The following DCPS variants were observed in gnomAD, a reference collection of about 807,000 sequenced individuals.
DCPS encodes decapping enzyme, scavenger.
Under a neutral mutation model 34.7 loss-of-function variants are expected in DCPS, and 27 were observed. The ratio of observed to expected loss-of-function variants is 0.78; its 90% confidence interval spans 0.57 to 1.07. The LOEUF (loss-of-function observed/expected upper bound fraction) is 1.07. Among genes scored for constraint, DCPS ranks in the 50% least tolerant of loss-of-function variants. The probability of loss-of-function intolerance (pLI) is 0.00; values close to 1 mark genes in which losing one functional copy is unlikely to be tolerated. For missense variants in DCPS, 464 were observed against 436.9 expected, an observed-to-expected ratio of 1.06 and a Z score of -0.55; for synonymous variants, 185 against 185.7, an observed-to-expected ratio of 1.00 and a Z score of 0.03.
chr11:126,319,611 C>T lies in DCPS; in HGVS notation c.377-11794C>T, dbSNP rs79536305. On this transcript the variant is annotated intron_variant, in intron 2 of 5. Transcript: ENST00000263579. This position sits in a 1 kb window ranked among gnomAD's most constrained non-coding sequence, Gnocchi z 4.5. ...GACCACACCCCCTGTCTGGACCTCA[C>T]TTGCTCTGGCACCTCATTTTGCCCT... Among the ~76,000 whole-genome samples the T allele has an allele frequency of 6.6e-6, 1 of 152,194 alleles. No homozygotes were observed.
Position 126,333,572 on chromosome 11 carries a change from A to G in DCPS, c.522+2022A>G, listed in dbSNP as rs1951807872. Reference sequence around the variant, plus strand: ...GGACAAATAGAAGTTTACCAGGTGCACAAGGGGAGGGAGGAGCAAGTCCAG... The same window carrying G: ...GGACAAATAGAAGTTTACCAGGTGCGCAAGGGGAGGGAGGAGCAAGTCCAG... On this transcript the variant is annotated intron_variant, in intron 3 of 5. Transcript: ENST00000263579. The surrounding 1 kb of genome is among the most constrained non-coding windows in gnomAD (Gnocchi z 5.7). Among the ~76,000 whole-genome samples the G allele has an allele frequency of 6.6e-6, 1 of 152,226 alleles. No individual in the cohort carries two copies.
chr11:126,328,115 T>C lies in DCPS; in HGVS notation c.377-3290T>C, dbSNP rs897543018. Among the ~76,000 whole-genome samples the C allele has an allele frequency of 6.6e-6, 1 of 152,158 alleles. No homozygotes were observed. Among genetic ancestry groups the C allele is most frequent in the Non-Finnish European group, 1.5e-5 (1 of 68,024 alleles). ...AGGGCACGGCCTGGAGAGGAGCCCA[T>C]GGCTGACGCGAGTTAGTGGGTCAGT... On this transcript the variant is annotated intron_variant, in intron 2 of 5. Coordinates refer to ENST00000263579, the MANE Select transcript of DCPS (RefSeq NM_014026.6). This position sits in a 1 kb window ranked among gnomAD's most constrained non-coding sequence, Gnocchi z 6.6.
chr11:126,339,413 C>CGAAA (rs1951860246), intron 4 of DCPS, among the ~76,000 whole-genome samples: 1 of 152,210 alleles, frequency 6.6e-6, no homozygotes, highest in Non-Finnish European at 1.5e-5. Flanking sequence ...GCTCCCTGTG[C>CGAAA]TTTCCCAGTT....
chr11:126,321,572 C>T (rs1290999124), intron 2 of DCPS, among the ~76,000 whole-genome samples: 5 of 152,134 alleles, frequency 3.3e-5, no homozygotes, highest in African/African-American at 4.8e-5. Context: ...CACCTTAACA[C>T]GAAGCTCCAG....
Position 126,320,299 on chromosome 11 carries a change from T to TGTTC in DCPS, c.377-11105_377-11102dup, listed in dbSNP as rs777029001. On this transcript the variant is annotated intron_variant, in intron 2 of 5. Coordinates refer to ENST00000263579, the MANE Select transcript of DCPS (RefSeq NM_014026.6). This position sits in a 1 kb window ranked among gnomAD's most constrained non-coding sequence, Gnocchi z 4.7. ...AGAGTCCCTGCTCTCGTGGACTTGA[T>TGTTC]GTTCCACTGGAGATGATCTTAAAGA... Among the ~76,000 whole-genome samples the TGTTC allele has an allele frequency of 6.6e-6, 1 of 152,188 alleles. No individual in the cohort carries two copies. Among genetic ancestry groups the TGTTC allele is most frequent in the Non-Finnish European group, 1.5e-5 (1 of 68,040 alleles).
At chr11:126,321,102 A>T (rs1256068185) in intron 2 of DCPS, among the ~76,000 whole-genome samples, 1 of 151,992 alleles carries the variant, frequency 6.6e-6, no homozygotes, top group Non-Finnish European at 1.5e-5. Context: ...AAAAAATACA[A>T]AAATTAGCCA....
Position 126,322,425 on chromosome 11 carries a change from G to A in DCPS, c.377-8980G>A, listed in dbSNP as rs142887017. Among the ~76,000 whole-genome samples the A allele has an allele frequency of 0.012, 1,894 of 151,526 alleles. 38 individuals carry two copies. Among genetic ancestry groups the A allele is most frequent in the African/African-American group, 0.044 (1,795 of 41,246 alleles). On this transcript the variant is annotated intron_variant, in intron 2 of 5. Coordinates refer to ENST00000263579, the MANE Select transcript of DCPS (RefSeq NM_014026.6). The surrounding 1 kb of genome is among the most constrained non-coding windows in gnomAD (Gnocchi z 4.2). ...ATTACAGGCGCACACCACCACGCCC[G>A]GCTCATTTTTGTATTTTTAGTAGAG... is the stretch of plus-strand genomic sequence containing the variant.
rs935776134 is a variant in DCPS at position 126,313,165 on chromosome 11, C to G, written c.376+6421C>G. On this transcript the variant is annotated intron_variant, in intron 2 of 5. Coordinates refer to ENST00000263579, the MANE Select transcript of DCPS (RefSeq NM_014026.6). This position sits in a 1 kb window ranked among gnomAD's most constrained non-coding sequence, Gnocchi z 4.9. ...CCCCGTGTAAACCAGGAGGTGAAATCTCAAGTTCAGAAGAGGAGACAGGCA... is the reference window on the plus strand; with the variant it reads ...CCCCGTGTAAACCAGGAGGTGAAATGTCAAGTTCAGAAGAGGAGACAGGCA... Among the ~76,000 whole-genome samples the G allele has an allele frequency of 9.9e-5, 15 of 152,254 alleles. No homozygotes were observed. Among genetic ancestry groups the G allele is most frequent in the Middle Eastern group, 3.4e-3 (1 of 294 alleles).
In DCPS at chr11:126,334,911, G is replaced by C. The variant is rs963032466; in HGVS notation, c.522+3361G>C. On this transcript the variant is annotated intron_variant, in intron 3 of 5. Transcript: ENST00000263579. The surrounding 1 kb of genome is among the most constrained non-coding windows in gnomAD (Gnocchi z 5.5). ...ATTCTCAGTCTGTCATCTAAGAGCAGCGTGACATTGTCCTTAATTTCGGAG... is the reference window on the plus strand; with the variant it reads ...ATTCTCAGTCTGTCATCTAAGAGCACCGTGACATTGTCCTTAATTTCGGAG... Among the ~76,000 whole-genome samples, 1 of 152,210 alleles carries C rather than the reference G, an allele frequency of 6.6e-6. No homozygotes were observed. Among genetic ancestry groups the C allele is most frequent in the Non-Finnish European group, 1.5e-5 (1 of 68,038 alleles).
rs895562648 is a variant in DCPS at position 126,325,623 on chromosome 11, G to C, written c.377-5782G>C. Among the ~76,000 whole-genome samples, 4 of 152,314 alleles carry C rather than the reference G, an allele frequency of 2.6e-5. No individual in the cohort carries two copies. The highest frequency in any genetic ancestry group is 9.6e-5 in the African/African-American group (4 of 41,558). ...TGGAAATTGGGAGCAGGGAGGAGCA[G>C]AAAAGTGTTTTTGAAAACAAGCTTC... On this transcript the variant is annotated intron_variant, in intron 2 of 5. Coordinates refer to ENST00000263579, the MANE Select transcript of DCPS (RefSeq NM_014026.6). This position sits in a 1 kb window ranked among gnomAD's most constrained non-coding sequence, Gnocchi z 4.3.
chr11:126,317,353 C>A (rs1029243691), intron 2 of DCPS, among the ~76,000 whole-genome samples: 2 of 151,774 alleles, frequency 1.3e-5, no homozygotes, highest in African/African-American at 4.8e-5. Flanking sequence ...ATTTTAAATT[C>A]TCCTCTCTCT....
rs1444506293 is a variant in DCPS, at chr11:126,338,971, C to T, written c.636+572C>T. Among the ~76,000 whole-genome samples, 1 of 152,218 alleles carries T rather than the reference C, an allele frequency of 6.6e-6. No homozygotes were observed. Among genetic ancestry groups the T allele is most frequent in the African/African-American group, 2.4e-5 (1 of 41,458 alleles). ...AGCAGGTTTGGGAGGAGCCGTCCTC[C>T]CTCACAGGTATCCCTTTCCAGTTCC... is the stretch of plus-strand genomic sequence containing the variant. On this transcript the variant is annotated intron_variant, in intron 4 of 5. Transcript: ENST00000263579. This position sits in a 1 kb window ranked among gnomAD's most constrained non-coding sequence, Gnocchi z 5.4.
In DCPS at chr11:126,334,012, G is replaced by A. The variant is rs139023064; in HGVS notation, c.522+2462G>A. Among the ~76,000 whole-genome samples, 192 of 152,266 alleles carry A rather than the reference G, an allele frequency of 1.3e-3. No individual in the cohort carries two copies. Among genetic ancestry groups the A allele is most frequent in the African/African-American group, 4.5e-3 (188 of 41,546 alleles). Reference sequence around the variant, plus strand: ...TGCAGAATTAATTGGTGGAGTGGGGGTGAGCATAGAACAGGAAGACTGGGA... The same window carrying A: ...TGCAGAATTAATTGGTGGAGTGGGGATGAGCATAGAACAGGAAGACTGGGA... On this transcript the variant is annotated intron_variant, in intron 3 of 5. Transcript: ENST00000263579. The surrounding 1 kb of genome is among the most constrained non-coding windows in gnomAD (Gnocchi z 5.5).
chr11:126,304,403 CG>C, intron 1 of DCPS, 122 bp downstream of exon 1: 13 of 1,142,488 alleles, frequency 1.1e-5, no homozygotes, highest in Non-Finnish European at 1.6e-5. Flanking sequence ...TCCGGGGAGG[CG>C]GGAGTGCGCC....
rs1022886685 is a variant in DCPS, at chr11:126,312,005, A to T, written c.376+5261A>T. Among the ~76,000 whole-genome samples the T allele has an allele frequency of 1.1e-4, 16 of 152,200 alleles. No homozygotes were observed. The highest frequency in any genetic ancestry group is 3.3e-4 in the Admixed American group (5 of 15,280). On this transcript the variant is annotated intron_variant, in intron 2 of 5. Transcript: ENST00000263579. The surrounding 1 kb of genome is among the most constrained non-coding windows in gnomAD (Gnocchi z 5.1). ...GAGTGCAATGGCGCGATATTGGCTT[A>T]CTGCAACCCCTGCCTCCCGGGTTCG... is the stretch of plus-strand genomic sequence containing the variant.
rs769591791 is a variant in DCPS at position 126,306,580 on chromosome 11, C to G, written c.212C>G (p.Ala71Gly). Reference protein sequence around the residue: ...IIFLHGKVNEASGDGDGEDAV... With the variant: ...IIFLHGKVNEGSGDGDGEDAV... Reference sequence around the variant, plus strand: ...TGCCTCTGCCCACAGGTGAATGAGGCCTCTGGGGATGGGGATGGAGAGGAT... The same window carrying G: ...TGCCTCTGCCCACAGGTGAATGAGGGCTCTGGGGATGGGGATGGAGAGGAT... The change falls in exon 2 of 6, where the codon GCC (alanine) becomes GGC (glycine). Residue 71 changes from alanine (A) to glycine (G), a missense_variant. By Grantham distance (60) the Ala-to-Gly change is moderately conservative. Coordinates refer to ENST00000263579, the MANE Select transcript of DCPS (RefSeq NM_014026.6). The G allele has an allele frequency of 3.8e-6, 6 of 1,598,606 alleles. No homozygotes were observed. Among genetic ancestry groups the G allele is most frequent in the Non-Finnish European group, 5.1e-6 (6 of 1,169,856 alleles).
intron 2 of DCPS, among the ~76,000 whole-genome samples, chr11:126,326,036 G>T (rs1613784): frequency 0.48 from 72,442 of 151,964 alleles, 17,854 homozygotes; most frequent in East Asian, 0.86. Context: ...GAGAATCGCT[G>T]AAACCCAGGA....
intron 2 of DCPS, among the ~76,000 whole-genome samples, chr11:126,318,465 G>A (rs1222820017): frequency 6.6e-6 from 1 of 152,256 alleles, no homozygotes; most frequent in Admixed American, 6.5e-5. Flanking sequence ...GGGCTGAGGA[G>A]AGTGTCGCCT....
At position 126,329,022 on chromosome 11, in the gene DCPS, A is replaced by G. The variant is rs1278012651; in HGVS notation, c.377-2383A>G. The stretch of plus-strand genomic sequence containing the variant: ...CTTGCACCCAGGCTGACTGGCTCCA[A>G]AATCTCTGTTCTCATCCACCAAGCT... On this transcript the variant is annotated intron_variant, in intron 2 of 5. Transcript: ENST00000263579. The surrounding 1 kb of genome is among the most constrained non-coding windows in gnomAD (Gnocchi z 5.0). Among the ~76,000 whole-genome samples, 2 of 152,142 alleles carry G rather than the reference A, an allele frequency of 1.3e-5. No homozygotes were observed. Among genetic ancestry groups the G allele is most frequent in the African/African-American group, 4.8e-5 (2 of 41,430 alleles).
Sources: allele counts gnomAD v4.1 joint callset (sites outside exome capture counted in the v4.1 genomes callset), GRCh38; gene constraint gnomAD v4.1.1; non-coding constraint Gnocchi (gnomAD v3.1); transcripts MANE v1.5; gene names NCBI Gene and HGNC (gene_info 2026-07-23, HGNC 2026-07-21).